The following MUC20 variants were observed in gnomAD, a reference collection of about 807,000 sequenced individuals.
MUC20 encodes mucin-20.
A neutral mutation model predicts 23.8 loss-of-function variants in MUC20; 14 were observed. The ratio of observed to expected loss-of-function variants is 0.59; its 90% CI spans 0.39 to 0.92. MUC20 has a LOEUF of 0.92. MUC20 is among the 40% of genes least tolerant of loss of function. The pLI, the probability that MUC20 is intolerant of heterozygous loss-of-function variation, is 0.00. For synonymous variants in MUC20, 166 were observed against 279.3 expected, an observed-to-expected ratio of 0.59 and a Z score of 4.04; for missense variants, 375 against 668.8, an observed-to-expected ratio of 0.56 and a Z score of 4.85.
Position 195,726,549 on chromosome 3 carries a change from G to A in MUC20, c.1946G>A (p.Arg649Lys). ...GCCACGCCCACGACTGCCCGGACGA[G>A]GCCGACCACAGACGTGAGTGCAGGT... ...PTATPTTART[R>K]PTTDVSAGEN... Residue 649 changes from arginine (R) to lysine (K), a missense_variant, in exon 2 of 4, where the codon AGG becomes AAG. Arg to Lys is a conservative substitution (Grantham distance 26). This residue lies in a region of MUC20 where 343 missense variants were observed against 340.2 expected (regional missense o/e 1.01). Coordinates refer to ENST00000447234, the MANE Select transcript of MUC20 (RefSeq NM_001282506.2). The A allele has an allele frequency of 6.2e-7, 1 of 1,613,680 alleles. No homozygotes were observed. The highest frequency in any genetic ancestry group is 8.5e-7 in the Non-Finnish European group (1 of 1,179,650).
rs1560178701 is a variant in MUC20, at chr3:195,726,327, G to A, written c.1724G>A (p.Ser575Asn). 6.2e-7 allele frequency: 1 copy of A among 1,614,044 alleles called. No homozygotes were observed. The highest frequency in any genetic ancestry group is 1.7e-5 in the Admixed American group (1 of 60,034). The change falls in exon 2 of 4, where the codon AGC becomes AAC. Residue 575 changes from serine (S) to asparagine (N), a missense_variant. This residue lies in a region of MUC20 where 343 missense variants were observed against 340.2 expected (regional missense o/e 1.01). Transcript: ENST00000447234. ...SFAGSSASSYSPSEAALKNFT... is the reference protein window; with the variant it reads ...SFAGSSASSYNPSEAALKNFT... ...GCTGGGAGCTCTGCTTCCTCCTACA[G>A]CCCCTCGGAAGCCGCCCTCAAGAAC...
intron 2 of MUC20, among the ~76,000 whole-genome samples, chr3:195,727,730 G>T (rs763962815): frequency 2.0e-5 from 3 of 152,284 alleles, no homozygotes; most frequent in Non-Finnish European, 4.4e-5. Context: ...CGTTCTCTCC[G>T]GTGCCAGGCA....
intron 1 of MUC20, chr3:195,721,872 A>T (rs1356644210): frequency 6.5e-6 from 1 of 153,180 alleles, no homozygotes; most frequent in Non-Finnish European, 1.5e-5. Flanking sequence ...TACTAAAAAT[A>T]CAAAATTAGC....
At chr3:195,721,547 A>C (rs1431066470) in intron 1 of MUC20, among the ~76,000 whole-genome samples, 3 of 151,634 alleles carry the variant, frequency 2.0e-5, no homozygotes, top group Admixed American at 6.6e-5. Context: ...TTCAAAATAC[A>C]GATTTCGTGT....
chr3:195,729,876 C>T, intron 3 of MUC20, 137 bp downstream of exon 3: 2 of 852,028 alleles, frequency 2.3e-6, no homozygotes, highest in Non-Finnish European at 3.6e-6. Flanking sequence ...GAATTGGGAG[C>T]TGAATCTGAG....
chr3:195,729,648 G>T lies in MUC20; in HGVS notation c.1970G>T (p.Gly657Val), dbSNP rs1458716253. The T allele has an allele frequency of 1.3e-6, 2 of 1,576,144 alleles. No individual in the cohort carries two copies. The highest frequency in any genetic ancestry group is 2.3e-5 in the East Asian group (1 of 43,254). The change falls in exon 3 of 4, where the codon GGT (glycine) becomes GTT (valine). Residue 657 changes from glycine to valine, a missense_variant and splice_region_variant. Gly to Val is a moderately radical substitution (Grantham distance 109, BLOSUM62 -3). This residue lies in a region of MUC20 where 343 missense variants were observed against 340.2 expected (regional missense o/e 1.01). Transcript: ENST00000447234. ...TCATCTTACTGTTCTCCATTTGCAG[G>T]TGAAAATGGAGGTTTCCTCCTCCTG... Reference protein sequence around the residue: ...RTRPTTDVSAGENGGFLLLRL... With the variant: ...RTRPTTDVSAVENGGFLLLRL...
Position 195,733,159 on chromosome 3 carries a change from G to A in MUC20, c.2071G>A (p.Glu691Lys), listed in dbSNP as rs1283087921. ...CTCTTTTGCTCTCCAGCTCCACCGG[G>A]AACTCCACGCCCACGCGCCTCACTT... Reference protein sequence around the residue: ...AERLMQQLHRELHAHAPHFQV... With the variant: ...AERLMQQLHRKLHAHAPHFQV... Residue 691 changes from glutamate to lysine, a missense_variant, in exon 4 of 4, where the codon GAA becomes AAA. Physicochemically the swap from Glu to Lys is moderately conservative, Grantham distance 56. Transcript: ENST00000447234. 6.3e-7 allele frequency: 1 copy of A among 1,591,484 alleles called. No individual in the cohort carries two copies. The highest frequency in any genetic ancestry group is 1.3e-5 in the African/African-American group (1 of 74,612).
rs1459272949 is a variant in MUC20 at position 195,725,785 on chromosome 3, A to C, written c.1182A>C (p.Pro394=). ...GCGCCTCTTCCGACGGCCCCCATCC[A>C]GTCATCACCCCCTCATGGTCCCCGG... ...ESSASSDGPH[P]VITPSWSPGS... Residue 394 remains proline (P), a synonymous_variant, in exon 2 of 4, where the codon CCA becomes CCC. Transcript: ENST00000447234. 6.5e-7 allele frequency: 1 copy of C among 1,536,068 alleles called. No homozygotes were observed. The highest frequency in any genetic ancestry group is 1.4e-5 in the African/African-American group (1 of 70,046).
At chr3:195,727,382 G>A (rs1198420704) in intron 2 of MUC20, among the ~76,000 whole-genome samples, 5 of 152,188 alleles carry the variant, frequency 3.3e-5, no homozygotes, top group Non-Finnish European at 1.5e-5. Context: ...AAAAAAAAAA[G>A]GTAAGATAAA....
chr3:195,726,656 G>A, intron 2 of MUC20, 84 bp downstream of exon 2: 1 of 1,458,808 alleles, frequency 6.9e-7, no homozygotes, highest in Non-Finnish European at 9.4e-7. Flanking sequence ...TGGAGAGGAG[G>A]GAAGGATCTG....
chr3:195,730,551 C>T (rs1426562850), intron 3 of MUC20, among the ~76,000 whole-genome samples: 2 of 152,042 alleles, frequency 1.3e-5, no homozygotes, highest in African/African-American at 2.4e-5. Context: ...GGGGTTTCAC[C>T]GTGTTAGCCA....
Position 195,733,247 on chromosome 3 carries a change from C to T in MUC20, c.*29C>T, listed in dbSNP as rs778921938. ...ACATCAGCTGCAGCCAGGCATGTCC[C>T]GTATGCCAAAAGAGGGTGCTGCCCC... is the stretch of plus-strand genomic sequence containing the variant. On this transcript the variant is annotated 3_prime_UTR_variant, in exon 4 of 4. Transcript: ENST00000447234. The T allele has an allele frequency of 4.2e-5, 66 of 1,569,574 alleles. No individual in the cohort carries two copies. Among genetic ancestry groups the T allele is most frequent in the Admixed American group, 2.6e-4 (14 of 53,236 alleles).
rs1277094305 is a variant in MUC20 at position 195,726,152 on chromosome 3, A to G, written c.1549A>G (p.Thr517Ala). The change falls in exon 2 of 4, where the codon ACC becomes GCC. Residue 517 changes from threonine (T) to alanine (A), a missense_variant. By Grantham distance (58) the Thr-to-Ala change is moderately conservative. Coordinates refer to ENST00000447234, the MANE Select transcript of MUC20 (RefSeq NM_001282506.2). ...AGAAGTGACAGCACCCGGGGCCACG[A>G]CCCTCAGTGGAGCTCTGGTCACAGT... ...EREVTAPGAT[T>A]LSGALVTVSR... 6.2e-7 allele frequency: 1 copy of G among 1,609,028 alleles called. No homozygotes were observed. The highest frequency in any genetic ancestry group is 1.1e-5 in the South Asian group (1 of 90,922).
At chr3:195,728,402 A>G (rs1486655669) in intron 2 of MUC20, among the ~76,000 whole-genome samples, 5 of 152,286 alleles carry the variant, frequency 3.3e-5, no homozygotes, top group Non-Finnish European at 7.3e-5. Context: ...GTTCAAGGGA[A>G]GATACTATGC....
At chr3:195,729,844 AG>A (rs1713183830) in intron 3 of MUC20, 105 bp downstream of exon 3, 1 of 1,099,552 alleles carries the variant, frequency 9.1e-7, no homozygotes, top group African/African-American at 1.5e-5. Flanking sequence ...CGCGCTTGGA[AG>A]GGAGTCTCGT....
In MUC20 at chr3:195,725,782, T is replaced by C. The variant is rs1325690290; in HGVS notation, c.1179T>C (p.His393=). The change falls in exon 2 of 4, where the codon CAT becomes CAC. Residue 393 remains histidine (H), a synonymous_variant. Coordinates refer to ENST00000447234, the MANE Select transcript of MUC20 (RefSeq NM_001282506.2). The part of the protein sequence containing the change: ...SESSASSDGP[H]PVITPSWSPG... ...GCAGCGCCTCTTCCGACGGCCCCCA[T>C]CCAGTCATCACCCCCTCATGGTCCC... 1 of 1,536,744 alleles carries C rather than the reference T, an allele frequency of 6.5e-7. No individual in the cohort carries two copies. The highest frequency in any genetic ancestry group is 1.4e-5 in the African/African-American group (1 of 69,714).
At chr3:195,729,551 G>A in intron 2 of MUC20, 97 bp from the exon 3 acceptor site, 1 of 1,172,496 alleles carries the variant, frequency 8.5e-7, no homozygotes, top group East Asian at 2.5e-5. Flanking sequence ...CCCGATCTCA[G>A]GTGATCCACC....
chr3:195,726,263 A>G lies in MUC20; in HGVS notation c.1660A>G (p.Ile554Val), dbSNP rs774713064. Residue 554 changes from isoleucine to valine, a missense_variant, in exon 2 of 4, where the codon ATA (isoleucine) becomes GTA (valine). By Grantham distance (29) the Ile-to-Val change is conservative. Transcript: ENST00000447234. The stretch of plus-strand genomic sequence containing the variant: ...AGTCTCAGGAGCAGCTCCGGTCTCC[A>G]TAGAGGCTGGGTCAGCAGTGGGCAA... ...VKVSGAAPVS[I>V]EAGSAVGKTT... 6 of 1,614,052 alleles carry G rather than the reference A, an allele frequency of 3.7e-6. No homozygotes were observed. Among genetic ancestry groups the G allele is most frequent in the South Asian group, 3.3e-5 (3 of 91,072 alleles).
At chr3:195,729,418 G>A (rs996303085) in intron 2 of MUC20, 1 of 515,856 alleles carries the variant, frequency 1.9e-6, no homozygotes, top group East Asian at 3.4e-5. Context: ...CCAGGTTCAG[G>A]CGATTCTCCT....
Sources: gnomAD v4.1 joint callset for allele counts (sites outside exome capture counted in the v4.1 genomes callset) on GRCh38, gnomAD v4.1.1 for gene constraint, gnomAD v4.1.1 regional missense constraint, MANE v1.5 for transcripts, NCBI Gene and HGNC (gene_info 2026-07-23, HGNC 2026-07-21) for gene names.